The following EIF4G3 variants were observed in gnomAD, a reference collection of about 807,000 sequenced individuals.
EIF4G3 encodes eukaryotic translation initiation factor 4 gamma 3.
A neutral mutation model predicts 186.4 loss-of-function variants in EIF4G3; 34 were observed. That is an observed-to-expected ratio of 0.18 (90% CI 0.14 to 0.24). The LOEUF is 0.24. Ranked by LOEUF, EIF4G3 falls within the 10% of genes least tolerant of loss-of-function variation. The pLI, the probability that EIF4G3 is intolerant of heterozygous loss-of-function variation, is 1.00. For synonymous variants in EIF4G3, 673 were observed against 679.5 expected (o/e 0.99, Z 0.15); for missense variants, 1,536 against 1,948.5 (o/e 0.79, Z 3.99).
chr1:21,006,724 A>G (rs1357978692), intron 4 of EIF4G3, among the ~76,000 whole-genome samples: 2 of 152,204 alleles, frequency 1.3e-5, no homozygotes, highest in African/African-American at 4.8e-5. Context: ...TGGACAGTCA[A>G]CCACAGGCAG....
chr1:21,007,520 A>AC lies in EIF4G3; in HGVS notation c.-66-4713_-66-4712insG, dbSNP rs1221975471. On this transcript the variant is annotated intron_variant, in intron 4 of 36. Coordinates refer to ENST00000602326, the MANE Select transcript of EIF4G3 (RefSeq NM_001391906.1). ...ATTCACAATGGGCCCCTCCTTAAAA[A>AC]AAAAAAAAAAAAAAAAACACACTCA... Among the ~76,000 whole-genome samples, 33 of 137,476 alleles carry AC rather than the reference A, an allele frequency of 2.4e-4. 2 individuals carry two copies. Among genetic ancestry groups the AC allele is most frequent in the African/African-American group, 9.1e-4 (33 of 36,458 alleles). 90.2% of individuals were successfully genotyped at this position (137,476 alleles called of 152,430 possible). A position where few individuals can be genotyped will look rare whatever the true frequency, so the allele number is the denominator to read the frequency against.
intron 3 of EIF4G3, among the ~76,000 whole-genome samples, chr1:21,071,020 AC>A (rs1327505750): frequency 2.0e-5 from 3 of 152,234 alleles, no homozygotes; most frequent in African/African-American, 7.2e-5. Flanking sequence ...CTGATTTTCA[AC>A]ATTAGCTAAT....
At chr1:20,846,463 C>G (rs1433634439) in intron 29 of EIF4G3, among the ~76,000 whole-genome samples, 3 of 152,100 alleles carry the variant, frequency 2.0e-5, no homozygotes, top group African/African-American at 7.2e-5. Flanking sequence ...TTCTTTTTGT[C>G]TTTGAGCTTT....
At chr1:20,935,142 G>C (rs940590888) in intron 14 of EIF4G3, among the ~76,000 whole-genome samples, 4 of 152,094 alleles carry the variant, frequency 2.6e-5, no homozygotes, top group African/African-American at 9.7e-5. Context: ...AGGTAATTTT[G>C]TATTGACATA....
chr1:20,885,050 G>A (rs1368291777), intron 19 of EIF4G3, among the ~76,000 whole-genome samples: 1 of 152,176 alleles, frequency 6.6e-6, no homozygotes, highest in East Asian at 1.9e-4. Flanking sequence ...GTTCACAATA[G>A]GGTTCCACTC....
intron 2 of EIF4G3, among the ~76,000 whole-genome samples, chr1:21,135,488 C>T (rs1463653183): frequency 3.3e-5 from 5 of 152,106 alleles, no homozygotes; most frequent in East Asian, 3.9e-4. Flanking sequence ...GCAACAAGAG[C>T]GAAACTCCGT....
At chr1:20,900,249 G>GA (rs2089823059) in intron 15 of EIF4G3, among the ~76,000 whole-genome samples, 1 of 152,160 alleles carries the variant, frequency 6.6e-6, no homozygotes, top group African/African-American at 2.4e-5. Flanking sequence ...GAACATGAAA[G>GA]AGTCCTAGTC....
intron 6 of EIF4G3, chr1:20,999,699 A>C (rs1363026151): frequency 2.2e-6 from 1 of 451,012 alleles, no homozygotes; most frequent in Middle Eastern, 3.3e-4. Context: ...AAAGTACCCT[A>C]GTCTATTTTG....
At chr1:21,116,656 A>C (rs2096828939) in intron 2 of EIF4G3, among the ~76,000 whole-genome samples, 1 of 151,760 alleles carries the variant, frequency 6.6e-6, no homozygotes, top group South Asian at 2.1e-4. Context: ...TGACAAACAT[A>C]GTGGAAACCC....
intron 2 of EIF4G3, among the ~76,000 whole-genome samples, chr1:21,141,288 A>G (rs2097332352): frequency 6.6e-6 from 1 of 152,152 alleles, no homozygotes; most frequent in Admixed American, 6.6e-5. Flanking sequence ...AAGAATCTAC[A>G]ACACACTGAA....
intron 4 of EIF4G3, among the ~76,000 whole-genome samples, chr1:21,039,958 C>G (rs1238579018): frequency 6.6e-6 from 1 of 152,230 alleles, no homozygotes; most frequent in Non-Finnish European, 1.5e-5. Context: ...TAGATACACT[C>G]TCTCTGCTCA....
chr1:20,993,685 A>C (rs1219194880), intron 7 of EIF4G3, among the ~76,000 whole-genome samples: 3 of 152,230 alleles, frequency 2.0e-5, no homozygotes, highest in South Asian at 2.1e-4. Context: ...CCACTGATGA[A>C]TAATGCAATA....
intron 4 of EIF4G3, among the ~76,000 whole-genome samples, chr1:21,025,595 G>C (rs1020123424): frequency 6.6e-6 from 1 of 152,140 alleles, no homozygotes; most frequent in Non-Finnish European, 1.5e-5. Context: ...AAAATGATTG[G>C]GTCCCAGGCT....
chr1:20,825,412 AG>A (rs11306078), intron 32 of EIF4G3, among the ~76,000 whole-genome samples: 143,611 of 152,188 alleles, frequency 0.94, 68,307 homozygotes, highest in Middle Eastern at 1. Context: ...CAGGAGTATG[AG>A]GTCTGGCCCA....
chr1:20,921,755 T>G (rs751058335), intron 14 of EIF4G3, among the ~76,000 whole-genome samples: 1 of 152,226 alleles, frequency 6.6e-6, no homozygotes, highest in Non-Finnish European at 1.5e-5. Context: ...TTTGGACTCT[T>G]TTCCAAAGTG....
At chr1:20,967,231 A>G (rs1238610257) in intron 12 of EIF4G3, among the ~76,000 whole-genome samples, 2 of 152,232 alleles carry the variant, frequency 1.3e-5, no homozygotes, top group Admixed American at 6.5e-5. Flanking sequence ...AGACACATAC[A>G]TGTCCAAATT....
At chr1:20,921,539 T>C (rs1157461689) in intron 14 of EIF4G3, among the ~76,000 whole-genome samples, 1 of 152,198 alleles carries the variant, frequency 6.6e-6, no homozygotes, top group Non-Finnish European at 1.5e-5. Flanking sequence ...AGGATTGCAA[T>C]GTGAGACATC....
intron 2 of EIF4G3, among the ~76,000 whole-genome samples, chr1:21,151,067 C>T (rs1052306623): frequency 2.0e-5 from 3 of 152,096 alleles, no homozygotes; most frequent in African/African-American, 7.2e-5. Context: ...CCAGTAACCA[C>T]ATGAACACTG....
chr1:20,994,628 C>T (rs1275696877), intron 7 of EIF4G3, among the ~76,000 whole-genome samples: 25 of 124,448 alleles, frequency 2.0e-4, no homozygotes, highest in Admixed American at 2.6e-4. Flanking sequence ...AACATATATA[C>T]TTTTTTTTTT....
Sources: gnomAD v4.1 joint callset for allele counts (sites outside exome capture counted in the v4.1 genomes callset) on GRCh38, gnomAD v4.1.1 for gene constraint, MANE v1.5 for transcripts, NCBI Gene and HGNC (gene_info 2026-07-23, HGNC 2026-07-21) for gene names.